SEPTIN10: variants seen among roughly 807,000 people sequenced by gnomAD.
SEPTIN10 encodes septin-10.
In SEPTIN10, 66 loss-of-function variants were observed where a neutral mutation model predicts 54.8. That is an observed-to-expected ratio of 1.21 (90% CI 0.99 to 1.48). The LOEUF is 1.48. Ranked by LOEUF, SEPTIN10 falls within the 40% of genes most tolerant of loss-of-function variation. The pLI is 0.00. For missense variants in SEPTIN10, 620 were observed against 545.6 expected (o/e 1.14, Z -1.36); for synonymous variants, 161 against 181.0 (o/e 0.89, Z 0.89).
In SEPTIN10 at chr2:109,574,759, G is replaced by A; in HGVS notation, c.422C>T (p.Pro141Leu). 1 of 1,570,624 alleles carries A rather than the reference G, an allele frequency of 6.4e-7. No homozygotes were observed. Among genetic ancestry groups the A allele is most frequent in the South Asian group, 1.2e-5 (1 of 83,046 alleles). ...DQINKEESYQ[P>L]IVDYIDAQFE... ...CTGAGCATCTATGTAGTCAACTATT[G>A]GTTGGTAGCTGAAAAATTATTTAAA... The change falls in exon 5 of 11, where the codon CCA (proline) becomes CTA (leucine). Residue 141 changes from proline to leucine, a missense_variant. Transcript: ENST00000397712.
chr2:109,576,958 G>A (rs1283577945), intron 4 of SEPTIN10, among the ~76,000 whole-genome samples: 2 of 152,140 alleles, frequency 1.3e-5, no homozygotes, highest in Non-Finnish European at 2.9e-5. Flanking sequence ...AGAACTGACG[G>A]ACACACTATT....
At chr2:109,565,901 T>A in intron 6 of SEPTIN10, 42 bp from the exon 7 acceptor site, 1 of 1,467,276 alleles carries the variant, frequency 6.8e-7, no homozygotes, top group South Asian at 1.1e-5. Context: ...ACCACTGTGA[T>A]AACTGACTAG....
At chr2:109,550,380 T>C (rs761271536) in intron 9 of SEPTIN10, among the ~76,000 whole-genome samples, 2 of 151,810 alleles carry the variant, frequency 1.3e-5, no homozygotes, top group Non-Finnish European at 2.9e-5. Flanking sequence ...TGGCATAATC[T>C]TGGCTCACTG....
chr2:109,583,434 T>A (rs1038694345), intron 4 of SEPTIN10, among the ~76,000 whole-genome samples: 3 of 152,064 alleles, frequency 2.0e-5, no homozygotes, highest in Admixed American at 6.6e-5. Flanking sequence ...AAAACCACAA[T>A]GAGATACCAT....
chr2:109,595,355 G>A (rs1320264625), intron 1 of SEPTIN10, among the ~76,000 whole-genome samples: 4 of 152,188 alleles, frequency 2.6e-5, no homozygotes, highest in Non-Finnish European at 5.9e-5. Context: ...GCACATCAGA[G>A]ACTAGCCTGA....
chr2:109,605,005 A>G (rs192276208), intron 1 of SEPTIN10: 2 of 152,326 alleles, frequency 1.3e-5, no homozygotes, highest in East Asian at 3.9e-4. Flanking sequence ...ACTGAGTTTA[A>G]GGTTCCTATG....
intron 8 of SEPTIN10, chr2:109,564,111 AGG>A (rs1032681684): frequency 1.5e-5 from 2 of 129,846 alleles, no homozygotes; most frequent in African/African-American, 5.7e-5. Context: ...GAACTGAAAC[AGG>A]GGGCCTCTGC....
At chr2:109,545,363 G>A (rs1680913255) in intron 10 of SEPTIN10, 1 of 1,503,140 alleles carries the variant, frequency 6.7e-7, no homozygotes, top group Non-Finnish European at 8.9e-7. Flanking sequence ...CTAAAACTTG[G>A]GTAACTGATT....
chr2:109,586,658 T>C lies in SEPTIN10; in HGVS notation c.100-820A>G, dbSNP rs116357738. ...GATCCCAGAAGGGGGAAAATGGGAA[T>C]TGGGAGGAGCTATGCAGAGTTTTCA... On this transcript the variant is annotated intron_variant, in intron 2 of 10. Coordinates refer to ENST00000397712, the MANE Select transcript of SEPTIN10 (RefSeq NM_144710.5). Among the ~76,000 whole-genome samples the C allele has an allele frequency of 6.5e-3, 989 of 152,152 alleles. 9 individuals carry two copies. The highest frequency in any genetic ancestry group is 0.023 in the African/African-American group (936 of 41,520).
At chr2:109,545,914 T>C (rs1024667474) in intron 10 of SEPTIN10, 136 bp downstream of exon 10, 262 of 1,449,508 alleles carry the variant, frequency 1.8e-4, no homozygotes, top group Non-Finnish European at 2.3e-4. Context: ...AGGTCTCTCC[T>C]CTCCAGGAGC....
chr2:109,575,350 T>C (rs1350032214), intron 4 of SEPTIN10, among the ~76,000 whole-genome samples: 1 of 152,256 alleles, frequency 6.6e-6, no homozygotes, highest in African/African-American at 2.4e-5. Flanking sequence ...CTCTTAGATT[T>C]ATAAGGCACA....
intron 1 of SEPTIN10, among the ~76,000 whole-genome samples, chr2:109,598,363 C>T (rs1355784822): frequency 1.3e-5 from 2 of 152,032 alleles, no homozygotes; most frequent in Middle Eastern, 3.2e-3. Context: ...CCACTGCGCC[C>T]GGCCCTATAA....
chr2:109,546,340 T>A (rs1681237601), intron 9 of SEPTIN10, 103 bp from the exon 10 acceptor site: 1 of 604,414 alleles, frequency 1.7e-6, no homozygotes, highest in Non-Finnish European at 2.7e-6. Context: ...CAACACAGAA[T>A]AACCTACACA....
At chr2:109,553,704 AT>A (rs1209888537) in intron 8 of SEPTIN10, among the ~76,000 whole-genome samples, 10 of 152,024 alleles carry the variant, frequency 6.6e-5, no homozygotes, top group Admixed American at 2.6e-4. Flanking sequence ...AATACAAAAA[AT>A]TAGTCAGGCA....
At position 109,585,213 on chromosome 2, in the gene SEPTIN10, G is replaced by A. The variant is rs1402715333; in HGVS notation, c.326C>T (p.Thr109Ile). 3 of 1,612,708 alleles carry A rather than the reference G, an allele frequency of 1.9e-6. No homozygotes were observed. The highest frequency in any genetic ancestry group is 2.7e-5 in the African/African-American group (2 of 74,982). The stretch of plus-strand genomic sequence containing the variant: ...AACATTACTTTCCTGGAGTTCATAT[G>A]TCTGAGCTTTAAGTTTAACATTTGG... ...FCPNVKLKAQ[T>I]YELQESNVQL... Residue 109 changes from threonine (T) to isoleucine (I), a missense_variant, in exon 4 of 11, where the codon ACA (threonine) becomes ATA (isoleucine). Transcript: ENST00000397712.
intron 2 of SEPTIN10, 93 bp from the exon 3 acceptor site, chr2:109,585,931 A>G (rs1692429276): frequency 1.2e-6 from 1 of 843,218 alleles, no homozygotes. Flanking sequence ...AATATATCAA[A>G]TAAATGAAAA....
intron 2 of SEPTIN10, among the ~76,000 whole-genome samples, chr2:109,588,218 A>G (rs139955599): frequency 2.6e-5 from 4 of 152,210 alleles, no homozygotes; most frequent in African/African-American, 9.6e-5. Flanking sequence ...ATCCACTGCC[A>G]GTTGGCCCAC....
chr2:109,592,056 A>C (rs953726900), intron 2 of SEPTIN10, among the ~76,000 whole-genome samples: 1 of 152,306 alleles, frequency 6.6e-6, no homozygotes, highest in East Asian at 1.9e-4. Context: ...GACCCTTAGA[A>C]GCATAAGGTG....
At chr2:109,582,119 C>T (rs1691329710) in intron 4 of SEPTIN10, among the ~76,000 whole-genome samples, 3 of 150,812 alleles carry the variant, frequency 2.0e-5, no homozygotes, top group African/African-American at 7.3e-5. Flanking sequence ...CACACTCACT[C>T]TCACGCAAAA....
Sources: allele counts gnomAD v4.1 joint callset (sites outside exome capture counted in the v4.1 genomes callset), GRCh38; gene constraint gnomAD v4.1.1; transcripts MANE v1.5; gene names NCBI Gene and HGNC (gene_info 2026-07-23, HGNC 2026-07-21).